AP2B1: variants seen among roughly 807,000 people sequenced by gnomAD.
AP2B1 encodes the protein adaptor related protein complex 2 subunit beta 1, also known as AP-2 complex subunit beta.
A neutral mutation model predicts 102.0 loss-of-function variants in AP2B1; 23 were observed. The observed-to-expected ratio is 0.23, with a 90% CI of 0.16 to 0.32. The LOEUF (loss-of-function observed/expected upper bound fraction) is 0.32. Among genes scored for constraint, AP2B1 ranks in the 10% least tolerant of loss-of-function variants. The pLI, the probability that AP2B1 is intolerant of heterozygous loss-of-function variation, is 1.00. For missense variants in AP2B1, 541 were observed against 1,157.4 expected, an observed-to-expected ratio of 0.47 and a Z score of 7.73; for synonymous variants, 381 against 421.2, an observed-to-expected ratio of 0.90 and a Z score of 1.17.
chr17:35,677,288 T>C (rs921893628), intron 17 of AP2B1, among the ~76,000 whole-genome samples: 2 of 152,224 alleles, frequency 1.3e-5, no homozygotes, highest in Non-Finnish European at 2.9e-5. Context: ...CTGCACCCAG[T>C]CGAAAGTTTT....
chr17:35,655,233 G>A (rs1371001174), intron 13 of AP2B1, among the ~76,000 whole-genome samples: 4 of 152,012 alleles, frequency 2.6e-5, no homozygotes, highest in Non-Finnish European at 2.9e-5. Context: ...TTAGCATTTA[G>A]TGCTCAATGA....
intron 3 of AP2B1, among the ~76,000 whole-genome samples, chr17:35,599,100 A>C (rs2073390526): frequency 6.6e-6 from 1 of 152,246 alleles, no homozygotes. Flanking sequence ...GAGCAGTAAA[A>C]ATTTGTTTTA....
intron 18 of AP2B1, among the ~76,000 whole-genome samples, chr17:35,692,004 A>G (rs759240719): frequency 7.9e-5 from 12 of 152,248 alleles, no homozygotes; most frequent in Non-Finnish European, 1.6e-4. Context: ...TCGAGAGTCT[A>G]CTAAGCAGTA....
intron 5 of AP2B1, among the ~76,000 whole-genome samples, chr17:35,608,651 T>C (rs539186118): frequency 2.0e-5 from 3 of 152,342 alleles, no homozygotes; most frequent in East Asian, 3.9e-4. Flanking sequence ...ATGAAAACTT[T>C]CATCATTTTC....
At chr17:35,594,219 C>A in intron 2 of AP2B1, 152 bp downstream of exon 2, 1 of 546,382 alleles carries the variant, frequency 1.8e-6, no homozygotes, top group Non-Finnish European at 3.3e-6. Flanking sequence ...TGAATGTATT[C>A]AAGCAAGTTA....
chr17:35,617,924 T>A (rs2074069927), intron 5 of AP2B1, among the ~76,000 whole-genome samples: 1 of 152,242 alleles, frequency 6.6e-6, no homozygotes, highest in South Asian at 2.1e-4. Flanking sequence ...TTGAGAGTAC[T>A]TGAATTTTGT....
At chr17:35,614,273 G>A (rs2073949625) in intron 5 of AP2B1, among the ~76,000 whole-genome samples, 1 of 152,080 alleles carries the variant, frequency 6.6e-6, no homozygotes, top group South Asian at 2.1e-4. Flanking sequence ...TCATAGCTCA[G>A]TGCAGCCTCA....
intron 3 of AP2B1, among the ~76,000 whole-genome samples, chr17:35,600,363 C>T (rs2073437012): frequency 6.6e-6 from 1 of 151,870 alleles, no homozygotes; most frequent in South Asian, 2.1e-4. Flanking sequence ...GGATTACAGG[C>T]ATGAGCCACT....
chr17:35,709,053 A>C (rs2076397984), intron 18 of AP2B1, among the ~76,000 whole-genome samples, 171 bp from the exon 19 acceptor site: 1 of 152,114 alleles, frequency 6.6e-6, no homozygotes, highest in Non-Finnish European at 1.5e-5. Context: ...ACAATGGAGT[A>C]AGTAAGGGTG....
At position 35,657,718 on chromosome 17, in the gene AP2B1, C is replaced by A; in HGVS notation, c.1916C>A (p.Pro639Gln). 1 of 1,614,190 alleles carries A rather than the reference C, an allele frequency of 6.2e-7. No homozygotes were observed. Among genetic ancestry groups the A allele is most frequent in the Non-Finnish European group, 8.5e-7 (1 of 1,180,034 alleles). Reference sequence around the variant, plus strand: ...CTTTTAAACCTTGACCTCGGTCCCCCAGTCAATGTGCCACAGGTGTCCTCC... The same window carrying A: ...CTTTTAAACCTTGACCTCGGTCCCCAAGTCAATGTGCCACAGGTGTCCTCC... Reference protein sequence around the residue: ...GDLLNLDLGPPVNVPQVSSMQ... With the variant: ...GDLLNLDLGPQVNVPQVSSMQ... Residue 639 changes from proline (P) to glutamine (Q), a missense_variant, in exon 14 of 22, where the codon CCA becomes CAA. Coordinates refer to ENST00000610402, the MANE Select transcript of AP2B1 (RefSeq NM_001030006.2).
chr17:35,624,981 G>C (rs2074278362), intron 6 of AP2B1, among the ~76,000 whole-genome samples: 3 of 152,134 alleles, frequency 2.0e-5, no homozygotes, highest in Admixed American at 6.5e-5. Context: ...TTCAGTATGA[G>C]AGAGAGTATG....
At chr17:35,637,227 C>T (rs2074632059) in intron 10 of AP2B1, among the ~76,000 whole-genome samples, 2 of 152,192 alleles carry the variant, frequency 1.3e-5, no homozygotes, top group East Asian at 1.9e-4. Flanking sequence ...CACTCTGTTG[C>T]CCAGGTGAGT....
intron 17 of AP2B1, among the ~76,000 whole-genome samples, chr17:35,678,726 C>CT (rs2075753896): frequency 6.6e-6 from 1 of 152,086 alleles, no homozygotes. Flanking sequence ...GATGTGTTGT[C>CT]TTTTTTTGTG....
In AP2B1 at chr17:35,684,659, A is replaced by G. The variant is rs769871303; in HGVS notation, c.2454+1835A>G. 2.0e-5 allele frequency among the ~76,000 whole-genome samples: 3 copies of G among 152,340 alleles called. No homozygotes were observed. In the East Asian group the frequency reaches 5.8e-4, roughly 29 times the overall value. On this transcript the variant is annotated intron_variant, in intron 18 of 21. Transcript: ENST00000610402. ...TATGCAGATGGAATTGGCTGTTACTATGATGACAGTAATGTGTTAAGGGGC... is the reference window on the plus strand; with the variant it reads ...TATGCAGATGGAATTGGCTGTTACTGTGATGACAGTAATGTGTTAAGGGGC...
At chr17:35,640,853 A>G (rs1373766703) in intron 11 of AP2B1, among the ~76,000 whole-genome samples, 1 of 152,228 alleles carries the variant, frequency 6.6e-6, no homozygotes, top group African/African-American at 2.4e-5. Flanking sequence ...GCTGTGGCTC[A>G]TTACAGCAGG....
intron 19 of AP2B1, among the ~76,000 whole-genome samples, chr17:35,710,000 C>T (rs2076415482): frequency 6.6e-6 from 1 of 152,142 alleles, no homozygotes; most frequent in African/African-American, 2.4e-5. Flanking sequence ...ACAAGGGAGC[C>T]AAAATGAAAC....
At chr17:35,723,011 G>T (rs587649525) in intron 21 of AP2B1, among the ~76,000 whole-genome samples, 56 of 152,292 alleles carry the variant, frequency 3.7e-4, no homozygotes, top group African/African-American at 1.3e-3. Context: ...GTCTAAAGAG[G>T]CAGAAAATAA....
At chr17:35,707,400 C>T (rs1568030545) in intron 18 of AP2B1, among the ~76,000 whole-genome samples, 3 of 151,204 alleles carry the variant, frequency 2.0e-5, no homozygotes, top group African/African-American at 4.9e-5. Flanking sequence ...ATCTGCCTGC[C>T]TTGGCCTCCC....
chr17:35,668,748 G>A (rs919101171), intron 14 of AP2B1, among the ~76,000 whole-genome samples: 4 of 151,994 alleles, frequency 2.6e-5, no homozygotes, highest in Non-Finnish European at 2.9e-5. Context: ...TTGAGAAATG[G>A]CCTTCCCCCA....
Sources: gnomAD v4.1 joint callset for allele counts (sites outside exome capture counted in the v4.1 genomes callset) on GRCh38, gnomAD v4.1.1 for gene constraint, MANE v1.5 for transcripts, NCBI Gene and HGNC (gene_info 2026-07-23, HGNC 2026-07-21) for gene names.